The following IFNG-AS1 variants were observed in gnomAD, a reference collection of about 807,000 sequenced individuals.
IFNG-AS1 encodes IFNG antisense RNA 1 (non-protein coding).
intron 3 of IFNG-AS1, among the ~76,000 whole-genome samples, chr12:68,013,267 C>G (rs760389014): frequency 2.0e-5 from 3 of 152,164 alleles, no homozygotes; most frequent in African/African-American, 7.2e-5. Flanking sequence ...CAACCCTAGC[C>G]CCACTTCCTC....
At chr12:68,018,475 A>G (rs1278479871) in intron 3 of IFNG-AS1, among the ~76,000 whole-genome samples, 1 of 152,176 alleles carries the variant, frequency 6.6e-6, no homozygotes, top group Non-Finnish European at 1.5e-5. Context: ...TTCACCCTAC[A>G]TGGCTATTTA....
intron 3 of IFNG-AS1, among the ~76,000 whole-genome samples, chr12:68,016,880 A>G (rs965711874): frequency 6.6e-6 from 1 of 152,168 alleles, no homozygotes; most frequent in Non-Finnish European, 1.5e-5. Flanking sequence ...GCCCTGGGCC[A>G]TGCCCTGGGC....
In IFNG-AS1 at chr12:68,013,918, GT is replaced by G. The variant is rs1419133555; in HGVS notation, n.242-5943del. The stretch of plus-strand genomic sequence containing the variant: ...GAGCAGTGTACACTGCACCCTATTT[GT>G]AGTCTTTTACCCCTCGCTCCCCTCC... On this transcript the variant is annotated intron_variant and non_coding_transcript_variant, in intron 3 of 5. Coordinates refer to ENST00000536914, the Ensembl canonical transcript of IFNG-AS1. Among the ~76,000 whole-genome samples, 3 of 152,122 alleles carry G rather than the reference GT, an allele frequency of 2.0e-5. No individual in the cohort carries two copies. The East Asian group carries it at 5.8e-4, about 29-fold the overall frequency.
At chr12:67,994,235 C>T (rs1350124342) in intron 1 of IFNG-AS1, among the ~76,000 whole-genome samples, 2 of 152,196 alleles carry the variant, frequency 1.3e-5, no homozygotes, top group Non-Finnish European at 2.9e-5. Context: ...AGAGAAGAGC[C>T]ATGGCCCTCA....
chr12:68,007,011 C>T lies in IFNG-AS1; in HGVS notation n.241+865C>T, dbSNP rs369979132. Among the ~76,000 whole-genome samples the T allele has an allele frequency of 1.6e-4, 24 of 152,294 alleles. No homozygotes were observed. The East Asian group carries it at 2.9e-3, about 18-fold the overall frequency. On this transcript the variant is annotated intron_variant and non_coding_transcript_variant, in intron 3 of 5. Transcript: ENST00000536914. ...CAAAGCAATAGAAAAGGAATATACC[C>T]TTAGAATGATTTTTTAAAATCACAT... is the stretch of plus-strand genomic sequence containing the variant.
intron 3 of IFNG-AS1, among the ~76,000 whole-genome samples, chr12:68,010,255 T>C (rs1290895134): frequency 6.6e-6 from 1 of 152,226 alleles, no homozygotes; most frequent in South Asian, 2.1e-4. Flanking sequence ...AGTTATCTAT[T>C]TGAAGTAGAG....
intron 3 of IFNG-AS1, among the ~76,000 whole-genome samples, chr12:68,017,219 A>G (rs188590498): frequency 6.6e-6 from 1 of 152,292 alleles, no homozygotes; most frequent in Non-Finnish European, 1.5e-5. Context: ...ATATGGCAGG[A>G]CAAGAGGAAC....
intron 3 of IFNG-AS1, among the ~76,000 whole-genome samples, chr12:68,006,803 T>G (rs1161281153): frequency 1.3e-5 from 2 of 152,184 alleles, no homozygotes; most frequent in African/African-American, 4.8e-5. Context: ...ATTAAGCATG[T>G]GTGCTTGGAA....
chr12:67,997,475 C>T lies in IFNG-AS1; in HGVS notation n.184+1402C>T, dbSNP rs1234544195. Among the ~76,000 whole-genome samples, 5 of 151,574 alleles carry T rather than the reference C, an allele frequency of 3.3e-5. 1 individual carries two copies. Among genetic ancestry groups the T allele is most frequent in the South Asian group, 4.2e-4 (2 of 4,810 alleles). The stretch of plus-strand genomic sequence containing the variant: ...ATAAGTTTAGATCCATATCTCACAC[C>T]ATATACAAGCATAAAGACCCAATGA... On this transcript the variant is annotated intron_variant and non_coding_transcript_variant, in intron 2 of 5. Transcript: ENST00000536914.
chr12:67,989,773 G>A (rs867746889), intron 1 of IFNG-AS1, among the ~76,000 whole-genome samples: 5 of 152,132 alleles, frequency 3.3e-5, no homozygotes, highest in African/African-American at 9.7e-5. Flanking sequence ...AAGGAGACCC[G>A]CATGGCTGGA....
chr12:68,015,379 G>A (rs1174390113), intron 3 of IFNG-AS1, among the ~76,000 whole-genome samples: 1 of 152,146 alleles, frequency 6.6e-6, no homozygotes, highest in Non-Finnish European at 1.5e-5. Flanking sequence ...GGAAGGGAAG[G>A]GCCGAGACAA....
intron 2 of IFNG-AS1, among the ~76,000 whole-genome samples, chr12:67,999,619 C>T (rs561667474): frequency 3.5e-4 from 54 of 152,142 alleles, no homozygotes; most frequent in Non-Finnish European, 5.9e-4. Flanking sequence ...TTCATGACTG[C>T]ATACTGATAT....
chr12:67,996,055 T>C (rs926262113), exon 2 of IFNG-AS1: 2 of 152,188 alleles, frequency 1.3e-5, no homozygotes, highest in African/African-American at 2.4e-5. Context: ...GATAAGCATA[T>C]TCCATGAAAT....
intron 1 of IFNG-AS1, among the ~76,000 whole-genome samples, chr12:67,991,669 C>T (rs945697442): frequency 1.3e-5 from 2 of 152,222 alleles, no homozygotes; most frequent in Non-Finnish European, 2.9e-5. Context: ...TTTGCCAAGG[C>T]TCTTTGGCTT....
chr12:68,008,843 C>T (rs990409424), intron 3 of IFNG-AS1, among the ~76,000 whole-genome samples: 2 of 152,258 alleles, frequency 1.3e-5, no homozygotes, highest in Admixed American at 6.5e-5. Context: ...AGGGTGACAG[C>T]TACCTACAAG....
intron 3 of IFNG-AS1, among the ~76,000 whole-genome samples, chr12:68,007,954 T>C (rs1879942953): frequency 6.6e-6 from 1 of 152,338 alleles, no homozygotes. Flanking sequence ...GCAATATAAA[T>C]TGTTGAGCTA....
intron 1 of IFNG-AS1, among the ~76,000 whole-genome samples, chr12:67,989,764 AG>A (rs2120401277): frequency 6.6e-6 from 1 of 152,280 alleles, no homozygotes; most frequent in African/African-American, 2.4e-5. Flanking sequence ...GAGAGGAGGA[AG>A]GAGACCCGCA....
chr12:68,015,800 T>G (rs1403127178), intron 3 of IFNG-AS1, among the ~76,000 whole-genome samples: 1 of 152,154 alleles, frequency 6.6e-6, no homozygotes, highest in Non-Finnish European at 1.5e-5. Flanking sequence ...ATTCAACAAG[T>G]GTTGACTACA....
chr12:67,998,254 GTAGT>G (rs1186288683), intron 2 of IFNG-AS1, among the ~76,000 whole-genome samples: 2 of 151,972 alleles, frequency 1.3e-5, no homozygotes, highest in Non-Finnish European at 2.9e-5. Context: ...ACACAAGAGA[GTAGT>G]TAAACAAATT....
Sources: gnomAD v4.1 joint callset for allele counts (sites outside exome capture counted in the v4.1 genomes callset) on GRCh38, gnomAD v4.1.1 for gene constraint, MANE v1.5 for transcripts, NCBI Gene and HGNC (gene_info 2026-07-23, HGNC 2026-07-21) for gene names.